Variants in CRACD observed in about 807,000 individuals in gnomAD.
The protein encoded by CRACD is capping protein inhibiting regulator of actin dynamics.
A neutral mutation model predicts 106.8 loss-of-function variants in CRACD; 56 were observed. The observed-to-expected ratio is 0.52, with a 90% CI of 0.42 to 0.66. The LOEUF is 0.66. Among genes scored for constraint, CRACD ranks in the 30% least tolerant of loss-of-function variants. CRACD has a pLI of 0.00. For missense variants in CRACD, 1,730 were observed against 1,623.2 expected (o/e 1.07, Z -1.13); for synonymous variants, 754 against 670.8 (o/e 1.12, Z -1.92).
At chr4:56,274,187 A>C (rs938269375) in intron 3 of CRACD, among the ~76,000 whole-genome samples, 1 of 152,260 alleles carries the variant, frequency 6.6e-6, no homozygotes, top group Non-Finnish European at 1.5e-5. Flanking sequence ...ATGTTGTCCC[A>C]GTGGATAGTC....
Position 56,315,822 on chromosome 4 carries a change from G to A in CRACD, c.2320G>A (p.Glu774Lys). The A allele has an allele frequency of 2.5e-6, 4 of 1,614,214 alleles. No individual in the cohort carries two copies. The highest frequency in any genetic ancestry group is 3.4e-6 in the Non-Finnish European group (4 of 1,180,042). Residue 774 changes from glutamate (E) to lysine (K), a missense_variant, in exon 8 of 11, where the codon GAG (glutamate) becomes AAG (lysine). Around this residue, in one of 5 missense-constraint regions of CRACD, gnomAD observed 1,620 missense variants for 1,481.6 expected, o/e 1.09. Coordinates refer to ENST00000682029, the MANE Select transcript of CRACD (RefSeq NM_001393381.1). This position sits in a 1 kb window ranked among gnomAD's most constrained non-coding sequence, Gnocchi z 4.1. ...AGVRELGKGP[E>K]KSEMHREPAD... ...TGTTCGCGAGCTCGGGAAGGGTCCG[G>A]AGAAGTCGGAGATGCACCGGGAGCC...
Position 56,328,184 on chromosome 4 carries a change from T to A in CRACD, c.*380T>A. 1 of 409,518 alleles carries A rather than the reference T, an allele frequency of 2.4e-6. No individual in the cohort carries two copies. Among genetic ancestry groups the A allele is most frequent in the Non-Finnish European group, 4.8e-6 (1 of 208,790 alleles). 25.4% of individuals were successfully genotyped at this position (409,518 alleles called of 1,614,324 possible). Reference sequence around the variant, plus strand: ...CTTTGGTAATGGTTTTTTGATTCTATGCACTAATTTTCTTTGTCCAAAACA... The same window carrying A: ...CTTTGGTAATGGTTTTTTGATTCTAAGCACTAATTTTCTTTGTCCAAAACA... On this transcript the variant is annotated 3_prime_UTR_variant, in exon 11 of 11. Transcript: ENST00000682029.
In CRACD at chr4:56,226,928, C is replaced by A. The variant is rs868597886; in HGVS notation, c.-188-45393C>A. ...CCTCCCTGTGGCTTCTTCTCCTTTGCCATGTGATCACCACACTTACCAGCG... is the reference window on the plus strand; with the variant it reads ...CCTCCCTGTGGCTTCTTCTCCTTTGACATGTGATCACCACACTTACCAGCG... On this transcript the variant is annotated intron_variant, in intron 2 of 10. Transcript: ENST00000682029. Among the ~76,000 whole-genome samples, 3 of 151,584 alleles carry A rather than the reference C, an allele frequency of 2.0e-5. No homozygotes were observed. In the East Asian group the frequency reaches 5.8e-4, roughly 30 times the overall value.
intron 1 of CRACD, among the ~76,000 whole-genome samples, chr4:56,122,259 G>T (rs1464963727): frequency 2.1e-5 from 3 of 145,792 alleles, no homozygotes; most frequent in Non-Finnish European, 4.5e-5. Flanking sequence ...TAAAATATAA[G>T]TGCAGCCACT....
At chr4:56,083,946 C>A (rs1733126130) in intron 1 of CRACD, among the ~76,000 whole-genome samples, 1 of 152,166 alleles carries the variant, frequency 6.6e-6, no homozygotes, top group Non-Finnish European at 1.5e-5. Context: ...CACTGCACTC[C>A]AGCCTGGGCG....
At position 56,172,020 on chromosome 4, in the gene CRACD, C is replaced by CTTTTTTTTTTTTTT. The variant is rs35574683; in HGVS notation, c.-335-7262_-335-7249dup. Among the ~76,000 whole-genome samples the CTTTTTTTTTTTTTT allele has an allele frequency of 5.9e-3, 631 of 106,206 alleles. 28 individuals are homozygous for CTTTTTTTTTTTTTT. The highest frequency in any genetic ancestry group is 7.4e-3 in the Non-Finnish European group (392 of 53,016). 69.7% of individuals were successfully genotyped at this position (106,206 alleles called of 152,430 possible). The stretch of plus-strand genomic sequence containing the variant: ...GTGGAGGTATCTTTTGAGGGTTTCT[C>CTTTTTTTTTTTTTT]TTTTTTTTTTTTTTTCAACTTTACA... On this transcript the variant is annotated intron_variant, in intron 1 of 10. Coordinates refer to ENST00000682029, the MANE Select transcript of CRACD (RefSeq NM_001393381.1).
At chr4:56,159,451 C>G (rs1735871577) in intron 1 of CRACD, among the ~76,000 whole-genome samples, 2 of 152,082 alleles carry the variant, frequency 1.3e-5, no homozygotes, top group Admixed American at 6.5e-5. Context: ...GAGATTGAGA[C>G]CATCCTGGCT....
chr4:56,209,849 C>T (rs1738313208), intron 2 of CRACD, among the ~76,000 whole-genome samples: 1 of 152,164 alleles, frequency 6.6e-6, no homozygotes, highest in African/African-American at 2.4e-5. Flanking sequence ...CTTTTCCAGT[C>T]CTCCTGACTC....
intron 2 of CRACD, among the ~76,000 whole-genome samples, chr4:56,227,837 A>C (rs375423551): frequency 3.5e-4 from 54 of 152,302 alleles, no homozygotes; most frequent in African/African-American, 1.3e-3. Flanking sequence ...ACAGAAGGTA[A>C]CTGTGTTCTA....
In CRACD at chr4:56,315,712, A is replaced by C; in HGVS notation, c.2210A>C (p.Lys737Thr). The part of the protein sequence containing the change: ...KFSDGGTETS[K>T]QSTEAESIRK... ...TCCGATGGTGGCACGGAGACCTCCA[A>C]ACAGAGCACGGAAGCTGAAAGCATA... is the stretch of plus-strand genomic sequence containing the variant. The change falls in exon 8 of 11, where the codon AAA becomes ACA. Residue 737 changes from lysine to threonine, a missense_variant. Transcript: ENST00000682029. This position sits in a 1 kb window ranked among gnomAD's most constrained non-coding sequence, Gnocchi z 4.1. 6.2e-7 allele frequency: 1 copy of C among 1,614,154 alleles called. No individual in the cohort carries two copies.
chr4:56,207,944 C>T (rs965118386), intron 2 of CRACD, among the ~76,000 whole-genome samples: 1 of 151,126 alleles, frequency 6.6e-6, no homozygotes, highest in African/African-American at 2.4e-5. Flanking sequence ...GCCTCAGTCT[C>T]CCAAGTCACT....
rs183485842 is a variant in CRACD at position 56,292,814 on chromosome 4, G to A, written c.-16-5400G>A. ...GCTGGGATTACAGGCGTGAGCCACC[G>A]CGACTGGCCACCTCTAAAATTTTTG... On this transcript the variant is annotated intron_variant, in intron 3 of 10. Coordinates refer to ENST00000682029, the MANE Select transcript of CRACD (RefSeq NM_001393381.1). Among the ~76,000 whole-genome samples, 891 of 152,198 alleles carry A rather than the reference G, an allele frequency of 5.9e-3. 7 individuals are homozygous for A. The highest frequency in any genetic ancestry group is 0.02 in the African/African-American group (842 of 41,534).
rs930095354 is a variant in CRACD at position 56,323,974 on chromosome 4, A to G, written c.3379-130A>G. Reference sequence around the variant, plus strand: ...GTGGTTGAGCGTACATGGCTCATACATGTAATCCAGCCCACCGTTGGAAGC... The same window carrying G: ...GTGGTTGAGCGTACATGGCTCATACGTGTAATCCAGCCCACCGTTGGAAGC... On this transcript the variant is annotated intron_variant, in intron 9 of 10. Transcript: ENST00000682029. The G allele has an allele frequency of 7.7e-5, 78 of 1,007,746 alleles. No homozygotes were observed. In the African/African-American group the frequency reaches 1.0e-3, roughly 14 times the overall value. 62.4% of individuals were successfully genotyped at this position (1,007,746 alleles called of 1,614,324 possible). A position where few individuals can be genotyped will look rare whatever the true frequency, so the allele number is the denominator to read the frequency against.
At chr4:56,227,877 C>T (rs991049354) in intron 2 of CRACD, among the ~76,000 whole-genome samples, 12 of 152,180 alleles carry the variant, frequency 7.9e-5, no homozygotes, top group Non-Finnish European at 1.8e-4. Context: ...TCTACCTGGT[C>T]GTATTCTCTT....
At chr4:56,272,834 G>A (rs1742436486) in intron 3 of CRACD, among the ~76,000 whole-genome samples, 1 of 151,790 alleles carries the variant, frequency 6.6e-6, no homozygotes, top group Non-Finnish European at 1.5e-5. Flanking sequence ...AGGAGGTGGA[G>A]GTTGCAGTGA....
intron 2 of CRACD, among the ~76,000 whole-genome samples, chr4:56,254,796 G>T (rs1442859449): frequency 1.4e-5 from 2 of 139,648 alleles, no homozygotes; most frequent in East Asian, 3.9e-4. Flanking sequence ...TACTGAACCT[G>T]CCCCTAGCTT....
At position 56,315,953 on chromosome 4, in the gene CRACD, G is replaced by A. The variant is rs760548616; in HGVS notation, c.2451G>A (p.Thr817=). 54 of 1,614,056 alleles carry A rather than the reference G, an allele frequency of 3.3e-5. No individual in the cohort carries two copies. The highest frequency in any genetic ancestry group is 4.2e-5 in the Non-Finnish European group (49 of 1,180,058). The change falls in exon 8 of 11, where the codon ACG becomes ACA. Residue 817 remains threonine, a synonymous_variant. Coordinates refer to ENST00000682029, the MANE Select transcript of CRACD (RefSeq NM_001393381.1). This position sits in a 1 kb window ranked among gnomAD's most constrained non-coding sequence, Gnocchi z 4.1. ...AAGTGGTGGCCCACACAGAGTTCAC[G>A]ACCTCGTCGGACAGCGAGACTGCAA... ...PQKVVAHTEF[T]TSSDSETANG...
intron 3 of CRACD, chr4:56,288,399 C>T (rs888333894): frequency 1.3e-5 from 3 of 225,198 alleles, no homozygotes; most frequent in Admixed American, 9.3e-5. Flanking sequence ...CCGCTCCCTC[C>T]CTCTCTCCTA....
At chr4:56,108,621 C>T (rs764107241) in intron 1 of CRACD, among the ~76,000 whole-genome samples, 3 of 151,770 alleles carry the variant, frequency 2.0e-5, no homozygotes, top group African/African-American at 4.8e-5. Context: ...AATGGCTGGG[C>T]GCGCTGATAT....
Sources: gnomAD v4.1 joint callset for allele counts (sites outside exome capture counted in the v4.1 genomes callset) on GRCh38, gnomAD v4.1.1 for gene constraint, gnomAD v4.1.1 regional missense constraint, Gnocchi (gnomAD v3.1) non-coding constraint, MANE v1.5 for transcripts, NCBI Gene and HGNC (gene_info 2026-07-23, HGNC 2026-07-21) for gene names.